The following DPP6 variants were observed in gnomAD, a reference collection of about 807,000 sequenced individuals.
DPP6 encodes dipeptidyl peptidase like 6.
Under a neutral mutation model 122.6 loss-of-function variants are expected in DPP6, and 69 were observed. The ratio of observed to expected loss-of-function variants is 0.56; its 90% confidence interval spans 0.46 to 0.69. The LOEUF is 0.69. Ranked by LOEUF, DPP6 falls within the 30% of genes least tolerant of loss-of-function variation. The pLI, the probability that DPP6 is intolerant of heterozygous loss-of-function variation, is 0.00. For synonymous variants in DPP6, 418 were observed against 433.1 expected (o/e 0.97, Z 0.43); for missense variants, 928 against 1,116.9 (o/e 0.83, Z 2.41).
chr7:154,433,862 T>C (rs1818649795), intron 1 of DPP6, among the ~76,000 whole-genome samples: 1 of 152,210 alleles, frequency 6.6e-6, no homozygotes, highest in Non-Finnish European at 1.5e-5. Flanking sequence ...CACTGTTTGC[T>C]TTCCTTTAGG....
intron 1 of DPP6, among the ~76,000 whole-genome samples, chr7:154,328,704 CT>C (rs1174867174): frequency 2.0e-5 from 3 of 152,162 alleles, no homozygotes; most frequent in Admixed American, 1.3e-4. Context: ...GGAGGGTTTA[CT>C]TAATGGAGGG....
the DPP6 span, among the ~76,000 whole-genome samples, chr7:153,794,866 C>T: frequency 2.6e-5 from 4 of 152,134 alleles, no homozygotes; most frequent in African/African-American, 7.2e-5. Flanking sequence ...GGGGTTTCCA[C>T]GTTTGCTTTT....
intron 3 of DPP6, among the ~76,000 whole-genome samples, chr7:154,515,619 G>A (rs2030045375): frequency 6.6e-6 from 1 of 152,038 alleles, no homozygotes; most frequent in Admixed American, 6.6e-5. Context: ...GGGACTACAG[G>A]CACGTGCTAC....
intron 1 of DPP6, among the ~76,000 whole-genome samples, chr7:154,077,795 C>T (rs1222936047): frequency 1.3e-5 from 2 of 151,622 alleles, no homozygotes; most frequent in African/African-American, 2.4e-5. Context: ...CTCAGCCTCT[C>T]GAGTAGCTGA....
rs1280983572 is a variant in DPP6 at position 154,081,850 on chromosome 7, T to G, written c.243+28787T>G. Among the ~76,000 whole-genome samples the G allele has an allele frequency of 2.6e-5, 4 of 152,162 alleles. No homozygotes were observed. The South Asian group carries it at 8.3e-4, about 32-fold the overall frequency. On this transcript the variant is annotated intron_variant, in intron 1 of 25. Coordinates refer to ENST00000377770, the MANE Select transcript of DPP6 (RefSeq NM_130797.4). The stretch of plus-strand genomic sequence containing the variant: ...AGCTCTTGACGTTAGCAAATAAGGT[T>G]GTATGTTATGGATCCTGTGGCAACT...
At chr7:154,635,552 A>G (rs1221632108) in intron 5 of DPP6, among the ~76,000 whole-genome samples, 1 of 152,210 alleles carries the variant, frequency 6.6e-6, no homozygotes, top group Non-Finnish European at 1.5e-5. Flanking sequence ...TAGCTATATT[A>G]CTTACCTATT....
chr7:154,627,000 C>CTTTTTTTTTTTT (rs552919287), intron 5 of DPP6, among the ~76,000 whole-genome samples: 6 of 52,092 alleles, frequency 1.2e-4, no homozygotes, highest in Non-Finnish European at 1.3e-4. Context: ...GAAATTTTTT[C>CTTTTTTTTTTTT]TTTTTTTTTT....
chr7:154,116,767 C>T (rs572400031), intron 1 of DPP6, among the ~76,000 whole-genome samples: 7 of 152,296 alleles, frequency 4.6e-5, no homozygotes, highest in African/African-American at 1.7e-4. Flanking sequence ...CTCAATTAGT[C>T]AAGACCTGTC....
chr7:154,017,719 TA>T (rs1365239601), intron 1 of DPP6, among the ~76,000 whole-genome samples: 1 of 83,736 alleles, frequency 1.2e-5, no homozygotes, highest in African/African-American at 5.6e-5. Context: ...AAAAAAAAAA[TA>T]AAAAAATAAA....
chr7:154,443,871 C>T (rs546701200), intron 1 of DPP6, among the ~76,000 whole-genome samples: 11 of 152,274 alleles, frequency 7.2e-5, no homozygotes, highest in Non-Finnish European at 1.3e-4. Flanking sequence ...TCACTTTCAC[C>T]ATGCTAGGCA....
intron 1 of DPP6, among the ~76,000 whole-genome samples, chr7:154,016,370 T>C (rs1378278678): frequency 6.6e-6 from 1 of 151,368 alleles, no homozygotes; most frequent in Admixed American, 6.6e-5. Context: ...ATTTTAAAAA[T>C]GGAAACATTC....
intron 1 of DPP6, among the ~76,000 whole-genome samples, chr7:153,954,766 C>T (rs1802380727): frequency 6.6e-6 from 1 of 152,200 alleles, no homozygotes; most frequent in South Asian, 2.1e-4. Context: ...GCACCTCTTT[C>T]CTGTGACTCC....
intron 6 of DPP6, among the ~76,000 whole-genome samples, chr7:154,641,865 T>A (rs1269449888): frequency 6.6e-6 from 1 of 152,164 alleles, no homozygotes; most frequent in Non-Finnish European, 1.5e-5. Flanking sequence ...TCAAAGGCAT[T>A]TTTTTACGTG....
intron 1 of DPP6, among the ~76,000 whole-genome samples, chr7:153,899,187 C>T (rs1799535768): frequency 6.6e-6 from 1 of 151,812 alleles, no homozygotes; most frequent in Non-Finnish European, 1.5e-5. Flanking sequence ...TCCTCTTCCT[C>T]TTCCTTCTCC....
chr7:154,298,292 T>C (rs1393893570), intron 1 of DPP6, among the ~76,000 whole-genome samples: 2 of 97,734 alleles, frequency 2.0e-5, no homozygotes, highest in African/African-American at 7.5e-5. Flanking sequence ...ACACACACTA[T>C]TGGTTGTGCA....
At chr7:154,635,666 C>G (rs1586780000) in intron 5 of DPP6, among the ~76,000 whole-genome samples, 1 of 152,222 alleles carries the variant, frequency 6.6e-6, no homozygotes. Context: ...CTGTGTGGCT[C>G]TGGCTCAGGG....
chr7:154,831,968 C>CCA (rs1800664208), intron 16 of DPP6, among the ~76,000 whole-genome samples: 1 of 152,202 alleles, frequency 6.6e-6, no homozygotes, highest in Non-Finnish European at 1.5e-5. Context: ...CAAGTTAAAC[C>CCA]CACATGAAAT....
the DPP6 span, among the ~76,000 whole-genome samples, chr7:153,793,066 G>C: frequency 1.3e-5 from 2 of 152,248 alleles, no homozygotes; most frequent in Non-Finnish European, 2.9e-5. Context: ...TTTATCAGCA[G>C]CATGAAAACA....
intron 1 of DPP6, among the ~76,000 whole-genome samples, chr7:154,141,970 T>G (rs1303681532): frequency 6.6e-6 from 1 of 152,154 alleles, no homozygotes; most frequent in East Asian, 1.9e-4. Context: ...GCAGGACCAA[T>G]CAAAAGGAGC....
Sources: gnomAD v4.1 joint callset for allele counts (sites outside exome capture counted in the v4.1 genomes callset) on GRCh38, gnomAD v4.1.1 for gene constraint, MANE v1.5 for transcripts, NCBI Gene and HGNC (gene_info 2026-07-23, HGNC 2026-07-21) for gene names.